Variants in PALLD observed in about 807,000 individuals in gnomAD.
The protein encoded by PALLD is palladin, cytoskeletal associated protein.
Under a neutral mutation model 123.5 loss-of-function variants are expected in PALLD, and 61 were observed. The observed-to-expected ratio is 0.49, with a 90% CI of 0.40 to 0.61. PALLD has a LOEUF of 0.61. Ranked by LOEUF, PALLD falls within the 20% of genes least tolerant of loss-of-function variation. PALLD has a pLI of 0.00. For missense variants in PALLD, 1,273 were observed against 1,377.0 expected (o/e 0.92, Z 1.20); for synonymous variants, 465 against 496.4 (o/e 0.94, Z 0.84).
chr4:168,597,917 G>A (rs935118069), intron 2 of PALLD, among the ~76,000 whole-genome samples: 5 of 151,878 alleles, frequency 3.3e-5, no homozygotes, highest in Non-Finnish European at 5.9e-5. Flanking sequence ...TTACATTATT[G>A]TCCATGCCAA....
intron 2 of PALLD, among the ~76,000 whole-genome samples, chr4:168,600,563 T>C (rs544807364): frequency 6.6e-6 from 1 of 152,298 alleles, no homozygotes; most frequent in Non-Finnish European, 1.5e-5. Context: ...GAGGTCTTGT[T>C]TTTTATTCCT....
At chr4:168,585,192 T>C (rs1770686588) in intron 2 of PALLD, among the ~76,000 whole-genome samples, 1 of 152,222 alleles carries the variant, frequency 6.6e-6, no homozygotes, top group East Asian at 1.9e-4. Flanking sequence ...TTCAAAATTT[T>C]ATGACATATT....
intron 3 of PALLD, among the ~76,000 whole-genome samples, chr4:168,668,696 A>G (rs1779891568): frequency 6.6e-6 from 1 of 152,248 alleles, no homozygotes; most frequent in South Asian, 2.1e-4. Flanking sequence ...CATATCAAGC[A>G]AAGTTAAACG....
intron 2 of PALLD, among the ~76,000 whole-genome samples, chr4:168,560,523 A>G (rs1300704690): frequency 6.6e-6 from 1 of 152,230 alleles, no homozygotes; most frequent in African/African-American, 2.4e-5. Flanking sequence ...TGGAAGACGA[A>G]GAGTATGAGT....
At chr4:168,499,429 T>C (rs1206707495) in intron 1 of PALLD, among the ~76,000 whole-genome samples, 2 of 151,948 alleles carry the variant, frequency 1.3e-5, no homozygotes, top group Admixed American at 1.3e-4. Context: ...AGCATGAAAA[T>C]TAAGTGTTAA....
chr4:168,898,272 C>T, intron 13 of PALLD: 3 of 577,028 alleles, frequency 5.2e-6, no homozygotes, highest in South Asian at 2.1e-5. Context: ...TCCTACCCCC[C>T]TCTTTTTGGA....
At chr4:168,730,858 C>T (rs1787102127) in intron 10 of PALLD, among the ~76,000 whole-genome samples, 1 of 152,088 alleles carries the variant, frequency 6.6e-6, no homozygotes, top group African/African-American at 2.4e-5. Flanking sequence ...ATTTTTCACC[C>T]TCTTCTCTTA....
At chr4:168,634,537 T>C (rs1776146580) in intron 2 of PALLD, among the ~76,000 whole-genome samples, 1 of 152,236 alleles carries the variant, frequency 6.6e-6, no homozygotes, top group Non-Finnish European at 1.5e-5. Context: ...TGATGTCATG[T>C]GCTATCTCAG....
At chr4:168,914,803 A>T (rs1331504958) in intron 16 of PALLD, among the ~76,000 whole-genome samples, 1 of 152,214 alleles carries the variant, frequency 6.6e-6, no homozygotes, top group Non-Finnish European at 1.5e-5. Context: ...GCTCACAGAG[A>T]GTAGGCAGGA....
chr4:168,779,967 C>G (rs1700247067), intron 10 of PALLD, among the ~76,000 whole-genome samples: 2 of 151,312 alleles, frequency 1.3e-5, no homozygotes, highest in South Asian at 4.2e-4. Flanking sequence ...GGCGTGATCT[C>G]AGCTCACTGC....
intron 10 of PALLD, among the ~76,000 whole-genome samples, chr4:168,752,130 C>T (rs9942190): frequency 0.38 from 57,853 of 152,068 alleles, 11,307 homozygotes; most frequent in South Asian, 0.48. Flanking sequence ...CCCAGCACTT[C>T]GGGAGGCCGA....
At chr4:168,557,804 G>C (rs1346141463) in intron 2 of PALLD, among the ~76,000 whole-genome samples, 1 of 152,120 alleles carries the variant, frequency 6.6e-6, no homozygotes. Flanking sequence ...CCCCAGTTAG[G>C]ACCTACTTCA....
At chr4:168,547,735 G>A (rs1719278156) in intron 2 of PALLD, among the ~76,000 whole-genome samples, 1 of 151,756 alleles carries the variant, frequency 6.6e-6, no homozygotes, top group Admixed American at 6.6e-5. Flanking sequence ...AGATCACGAG[G>A]TCGAGATAGA....
At chr4:168,741,343 TTTTTTGTG>T (rs1462952647) in intron 10 of PALLD, among the ~76,000 whole-genome samples, 32 of 112,592 alleles carry the variant, frequency 2.8e-4, no homozygotes, top group African/African-American at 4.0e-4. Flanking sequence ...TATATTTGTT[TTTTTTGTG>T]TGTGTGTGTG....
Position 168,641,755 on chromosome 4 carries a change from C to A in PALLD, c.909-26435C>A, listed in dbSNP as rs1381023369. Among the ~76,000 whole-genome samples the A allele has an allele frequency of 2.0e-5, 3 of 152,140 alleles. No homozygotes were observed. The East Asian group carries it at 5.8e-4, about 29-fold the overall frequency. ...TGACTCATGAGAGACAATCTGAAGA[C>A]TTTATCTGGGGAACTTTCTACTCCC... On this transcript the variant is annotated intron_variant, in intron 2 of 21. Transcript: ENST00000505667.
At chr4:168,661,355 A>G (rs879685676) in intron 2 of PALLD, among the ~76,000 whole-genome samples, 4 of 152,306 alleles carry the variant, frequency 2.6e-5, no homozygotes, top group Non-Finnish European at 4.4e-5. Context: ...GCTGACATCT[A>G]TGCTTCCAGT....
At chr4:168,904,599 T>C (rs944319094) in intron 15 of PALLD, among the ~76,000 whole-genome samples, 1 of 152,122 alleles carries the variant, frequency 6.6e-6, no homozygotes, top group African/African-American at 2.4e-5. Context: ...AAAGTTATTT[T>C]GTACCTTAAG....
intron 10 of PALLD, among the ~76,000 whole-genome samples, chr4:168,848,472 C>A (rs1747242331): frequency 6.6e-6 from 1 of 151,656 alleles, no homozygotes; most frequent in Non-Finnish European, 1.5e-5. Context: ...TGGTGGTGTT[C>A]TGTGTTTTTT....
intron 9 of PALLD, among the ~76,000 whole-genome samples, chr4:168,709,766 G>C (rs1423739631): frequency 1.3e-5 from 2 of 151,948 alleles, no homozygotes; most frequent in African/African-American, 4.8e-5. Flanking sequence ...TAGGGGAGGG[G>C]AGAAGAAGGA....
Sources: allele counts gnomAD v4.1 joint callset (sites outside exome capture counted in the v4.1 genomes callset), GRCh38; gene constraint gnomAD v4.1.1; transcripts MANE v1.5; gene names NCBI Gene and HGNC (gene_info 2026-07-23, HGNC 2026-07-21).